Variants in GXYLT2 observed in about 807,000 individuals in gnomAD.
The protein encoded by GXYLT2 is glycosyltransferase 8 domain containing 4.
GXYLT2 carries 53 observed loss-of-function variants against 45.8 expected under a neutral mutation model. That is an observed-to-expected ratio of 1.16 (90% confidence interval 0.93 to 1.46). The LOEUF is 1.46. Among genes scored for constraint, GXYLT2 ranks in the 40% most tolerant of loss-of-function variants. GXYLT2 has a pLI of 0.00. For missense variants in GXYLT2, 551 were observed against 544.4 expected (o/e 1.01, Z -0.12); for synonymous variants, 219 against 214.2 (o/e 1.02, Z -0.19).
chr3:72,957,384 A>T (rs750718527), intron 5 of GXYLT2, 32 bp downstream of exon 5: 2 of 1,567,994 alleles, frequency 1.3e-6, no homozygotes, highest in South Asian at 2.3e-5. Flanking sequence ...CCTTTTGTGT[A>T]GGAGTACACT....
chr3:72,902,715 G>A (rs1031245311), intron 1 of GXYLT2, among the ~76,000 whole-genome samples: 8 of 79,910 alleles, frequency 1.0e-4, no homozygotes, highest in Admixed American at 2.5e-4. Flanking sequence ...GGCCAGGTGC[G>A]GTGGCTCATG....
At chr3:72,918,038 G>A (rs907452871) in intron 2 of GXYLT2, among the ~76,000 whole-genome samples, 1 of 151,988 alleles carries the variant, frequency 6.6e-6, no homozygotes, top group Non-Finnish European at 1.5e-5. Context: ...ACTATTTTAG[G>A]CTTTGCAGGC....
intron 2 of GXYLT2, among the ~76,000 whole-genome samples, chr3:72,908,850 G>C (rs559816547): frequency 6.6e-6 from 1 of 151,962 alleles, no homozygotes. Context: ...TGATCCTCCC[G>C]CCTTAGCCTC....
intron 3 of GXYLT2, among the ~76,000 whole-genome samples, chr3:72,944,390 G>A (rs1710363536): frequency 6.6e-6 from 1 of 152,006 alleles, no homozygotes; most frequent in Non-Finnish European, 1.5e-5. Flanking sequence ...GAGTAGCTGG[G>A]ATTACAAACG....
intron 2 of GXYLT2, among the ~76,000 whole-genome samples, chr3:72,913,124 G>A (rs1168414956): frequency 2.0e-5 from 3 of 149,394 alleles, no homozygotes; most frequent in African/African-American, 7.4e-5. Context: ...TGCAAGCTCC[G>A]CCTCCCAGGT....
intron 2 of GXYLT2, among the ~76,000 whole-genome samples, chr3:72,915,584 C>A (rs1385375456): frequency 6.6e-6 from 1 of 151,998 alleles, no homozygotes; most frequent in Non-Finnish European, 1.5e-5. Flanking sequence ...CGCCTGTAAT[C>A]CCAGCGCTTT....
At chr3:72,894,343 A>T (rs1204318124) in intron 1 of GXYLT2, among the ~76,000 whole-genome samples, 2 of 152,158 alleles carry the variant, frequency 1.3e-5, no homozygotes, top group Non-Finnish European at 2.9e-5. Flanking sequence ...GGGACTATTG[A>T]TGGAGAGAAA....
rs748906124 is a variant in GXYLT2 at position 72,967,604 on chromosome 3, G to T, written c.1034G>T (p.Gly345Val). The T allele has an allele frequency of 4.3e-6, 7 of 1,613,736 alleles. No homozygotes were observed. In the South Asian group the frequency reaches 6.6e-5, roughly 15 times the overall value. Residue 345 changes from glycine to valine, a missense_variant, in exon 6 of 7, where the codon GGA (glycine) becomes GTA (valine). By Grantham distance (109) the Gly-to-Val change is moderately radical (BLOSUM62 -3). Transcript: ENST00000389617. ...TACCGTCCCGATCACTGCATGTACGGAAGCAACTGCAGAGAGGCTGAGCAT... is the reference window on the plus strand; with the variant it reads ...TACCGTCCCGATCACTGCATGTACGTAAGCAACTGCAGAGAGGCTGAGCAT... ...WNYRPDHCMY[G>V]SNCREAEHEG...
At chr3:72,920,032 G>A (rs1341012600) in intron 2 of GXYLT2, among the ~76,000 whole-genome samples, 1 of 152,134 alleles carries the variant, frequency 6.6e-6, no homozygotes, top group African/African-American at 2.4e-5. Context: ...CTGTAGGGGA[G>A]GGAGAAGAGA....
intron 3 of GXYLT2, among the ~76,000 whole-genome samples, chr3:72,925,283 A>G (rs922626963): frequency 4.7e-4 from 71 of 151,856 alleles, no homozygotes; most frequent in African/African-American, 1.5e-3. Context: ...CAATCCCCCA[A>G]GTAGCTGGGA....
At chr3:72,945,123 A>C (rs571913276) in intron 3 of GXYLT2, among the ~76,000 whole-genome samples, 1,988 of 18,484 alleles carry the variant, frequency 0.11, 15 homozygotes, top group Non-Finnish European at 0.18. Context: ...CTAAAACTAC[A>C]AAAAAAAAAA....
intron 2 of GXYLT2, among the ~76,000 whole-genome samples, chr3:72,919,280 A>G (rs934868235): frequency 5.9e-5 from 9 of 152,218 alleles, no homozygotes; most frequent in Admixed American, 4.6e-4. Context: ...ATATATTCAT[A>G]CCATAGCATA....
Position 72,899,022 on chromosome 3 carries a change from C to T in GXYLT2, c.276-9345C>T, listed in dbSNP as rs147490015. Among the ~76,000 whole-genome samples the T allele has an allele frequency of 2.5e-3, 377 of 152,238 alleles. 1 individual carries two copies. Among genetic ancestry groups the T allele is most frequent in the African/African-American group, 8.4e-3 (351 of 41,548 alleles). On this transcript the variant is annotated intron_variant, in intron 1 of 6. Coordinates refer to ENST00000389617, the MANE Select transcript of GXYLT2 (RefSeq NM_001080393.2). ...CTGGGATTACAGACGTGAGCCACCG[C>T]GCCCGGCCAGAGAGGGCTCTTTTTC...
chr3:72,960,315 A>G (rs747959981), intron 5 of GXYLT2, among the ~76,000 whole-genome samples: 1 of 152,204 alleles, frequency 6.6e-6, no homozygotes, highest in Non-Finnish European at 1.5e-5. Flanking sequence ...AGGAATCCAA[A>G]AGATTCACAC....
rs1027503691 is a variant in GXYLT2, at chr3:72,975,738, A to G, written c.*579A>G. On this transcript the variant is annotated 3_prime_UTR_variant, in exon 7 of 7. Coordinates refer to ENST00000389617, the MANE Select transcript of GXYLT2 (RefSeq NM_001080393.2). ...GCATTTTCCACTCTAACACACATCT[A>G]AAACAGGTAATCTCAGTAAAAGCTG... 15 of 152,188 alleles carry G rather than the reference A, an allele frequency of 9.9e-5. No homozygotes were observed. Among genetic ancestry groups the G allele is most frequent in the African/African-American group, 3.6e-4 (15 of 41,450 alleles). 9.4% of individuals were successfully genotyped at this position (152,188 alleles called of 1,614,324 possible).
intron 1 of GXYLT2, among the ~76,000 whole-genome samples, chr3:72,902,161 A>G (rs1243728831): frequency 6.6e-6 from 1 of 152,142 alleles, no homozygotes; most frequent in East Asian, 1.9e-4. Flanking sequence ...ACAACCTTTT[A>G]TGTGGACACA....
rs1309444524 is a variant in GXYLT2, at chr3:72,922,328, T to C, written c.593T>C (p.Phe198Ser). The change falls in exon 3 of 7, where the codon TTT becomes TCT. Residue 198 changes from phenylalanine to serine, a missense_variant. By Grantham distance (155) the Phe-to-Ser change is radical. Coordinates refer to ENST00000389617, the MANE Select transcript of GXYLT2 (RefSeq NM_001080393.2). ...LFKPCAAQRL[F>S]LPVILKDVDS... is the part of the protein sequence containing the mutation. ...AAACCCTGTGCTGCCCAGAGACTCT[T>C]TCTTCCGGTAGGAACACCTGTTTTT... is the stretch of plus-strand genomic sequence containing the variant. The C allele has an allele frequency of 2.5e-6, 4 of 1,611,160 alleles. No individual in the cohort carries two copies. In the South Asian group the frequency reaches 4.4e-5, roughly 18 times the overall value.
intron 5 of GXYLT2, among the ~76,000 whole-genome samples, chr3:72,966,509 G>C (rs138303460): frequency 3.9e-5 from 5 of 127,784 alleles, no homozygotes; most frequent in Admixed American, 9.3e-5. Flanking sequence ...TCACAGGCTA[G>C]AGTGCAGTGG....
intron 1 of GXYLT2, among the ~76,000 whole-genome samples, chr3:72,890,696 T>TC (rs1248104113): frequency 1.3e-5 from 2 of 152,218 alleles, no homozygotes; most frequent in African/African-American, 2.4e-5. Flanking sequence ...TCTTTTTGTG[T>TC]CTATCTGAAC....
Sources: allele counts gnomAD v4.1 joint callset (sites outside exome capture counted in the v4.1 genomes callset), GRCh38; gene constraint gnomAD v4.1.1; transcripts MANE v1.5; gene names NCBI Gene and HGNC (gene_info 2026-07-23, HGNC 2026-07-21).